NLRP11: variants seen among roughly 807,000 people sequenced by gnomAD.
The protein encoded by NLRP11 is NACHT, LRR and PYD domains-containing protein 11.
NLRP11 carries 53 observed loss-of-function variants against 79.3 expected under a neutral mutation model. The observed-to-expected ratio is 0.67, with a 90% CI of 0.54 to 0.84. The LOEUF (loss-of-function observed/expected upper bound fraction) is 0.84, where lower values mean the gene tolerates loss of function less well. Among genes scored for constraint, NLRP11 ranks in the 40% least tolerant of loss-of-function variants. The probability of loss-of-function intolerance (pLI) is 0.00; values close to 1 mark genes in which losing one functional copy is unlikely to be tolerated. For synonymous variants in NLRP11, 518 were observed against 462.6 expected, an observed-to-expected ratio of 1.12 and a Z score of -1.54; for missense variants, 1,264 against 1,255.0, an observed-to-expected ratio of 1.01 and a Z score of -0.11.
At chr19:55,828,295 T>C (rs1198512306) in intron 1 of NLRP11, among the ~76,000 whole-genome samples, 6 of 149,882 alleles carry the variant, frequency 4.0e-5, no homozygotes, top group South Asian at 4.2e-4. Context: ...AGGGAGAGCA[T>C]TGGGAGATAT....
At chr19:55,798,329 G>C in intron 5 of NLRP11, 1 of 985,070 alleles carries the variant, frequency 1.0e-6, no homozygotes, top group African/African-American at 1.7e-5. Context: ...AGTGAAAGCC[G>C]TTGAGGGCCT....
At chr19:55,806,122 C>G (rs149096949) in intron 4 of NLRP11, among the ~76,000 whole-genome samples, 319 of 152,338 alleles carry the variant, frequency 2.1e-3, no homozygotes, top group Admixed American at 3.5e-3. Context: ...GCTTTTCTCC[C>G]CAATCACTTT....
chr19:55,795,998 C>T (rs1187296165), intron 6 of NLRP11, 82 bp downstream of exon 6: 4 of 1,278,520 alleles, frequency 3.1e-6, no homozygotes, highest in East Asian at 4.7e-5. Context: ...GTCCCTTTCC[C>T]CACCACTGCT....
intron 5 of NLRP11, 60 bp downstream of exon 5, chr19:55,801,512 C>A: frequency 7.2e-7 from 1 of 1,391,580 alleles, no homozygotes; most frequent in South Asian, 1.2e-5. Flanking sequence ...GCACCTCTAT[C>A]CACCAACACC....
At chr19:55,803,067 C>T (rs922241099) in intron 4 of NLRP11, among the ~76,000 whole-genome samples, 2 of 151,956 alleles carry the variant, frequency 1.3e-5, no homozygotes, top group Admixed American at 1.3e-4. Context: ...AACTTGGAGG[C>T]GCTGGGCACA....
intron 2 of NLRP11, among the ~76,000 whole-genome samples, chr19:55,813,977 A>T (rs1980848737): frequency 6.6e-6 from 1 of 152,154 alleles, no homozygotes; most frequent in Non-Finnish European, 1.5e-5. Context: ...CATGTTCAGT[A>T]GACTTTACGC....
chr19:55,812,624 A>C (rs1435308320), intron 2 of NLRP11, among the ~76,000 whole-genome samples: 1 of 152,190 alleles, frequency 6.6e-6, no homozygotes, highest in East Asian at 1.9e-4. Flanking sequence ...AGAAAAGGGA[A>C]GCCTTGTGCA....
At chr19:55,831,596 C>T (rs1183861468) in intron 1 of NLRP11, among the ~76,000 whole-genome samples, 1 of 152,086 alleles carries the variant, frequency 6.6e-6, no homozygotes, top group Non-Finnish European at 1.5e-5. Flanking sequence ...TTCTTTTCAT[C>T]TCTAACACTT....
chr19:55,833,262 T>A (rs907415762), upstream of NLRP11, among the ~76,000 whole-genome samples: 2 of 152,198 alleles, frequency 1.3e-5, no homozygotes, highest in Admixed American at 1.3e-4. Flanking sequence ...GATGTTAATA[T>A]GCTCCCAAAT....
intron 4 of NLRP11, among the ~76,000 whole-genome samples, chr19:55,803,084 C>G (rs773333018): frequency 3.9e-5 from 6 of 152,166 alleles, no homozygotes; most frequent in Admixed American, 3.9e-4. Context: ...CACAGTGACT[C>G]ATGCCTGTAA....
At chr19:55,831,204 G>A (rs986825436) in intron 1 of NLRP11, among the ~76,000 whole-genome samples, 8 of 146,336 alleles carry the variant, frequency 5.5e-5, no homozygotes, top group African/African-American at 1.5e-4. Flanking sequence ...AGGAAGGGAG[G>A]TCAAACCTCC....
At chr19:55,799,599 G>T (rs1026106275) in intron 5 of NLRP11, among the ~76,000 whole-genome samples, 1 of 152,170 alleles carries the variant, frequency 6.6e-6, no homozygotes. Flanking sequence ...ACTACAAAGT[G>T]GCAACAGAGT....
rs369352492 is a variant in NLRP11, at chr19:55,796,130, G to A, written c.2292C>T (p.Asn764=). 4 of 1,613,970 alleles carry A rather than the reference G, an allele frequency of 2.5e-6. No homozygotes were observed. The African/African-American group carries it at 5.3e-5, about 22-fold the overall frequency. Residue 764 remains asparagine (N), a synonymous_variant, in exon 6 of 10, where the codon AAC becomes AAT. Coordinates refer to ENST00000589093, the Ensembl canonical transcript of NLRP11. ...GATGAAGCAAGGCATCACACAGTAT[G>A]TTCATCCCGTCGCTCCTCAGCGGAT...
rs1489881471 is a variant in NLRP11 at position 55,792,474 on chromosome 19, G to A, written c.2343-3C>T. Reference sequence around the variant, plus strand: ...CAGTGAGACAGCAGAAGACTAACCTGCACACAGAGAAGAGTGAGTCAGTGA... The same window carrying A: ...CAGTGAGACAGCAGAAGACTAACCTACACACAGAGAAGAGTGAGTCAGTGA... On this transcript the variant is annotated splice_region_variant and splice_polypyrimidine_tract_variant and intron_variant, in intron 6 of 9. Transcript: ENST00000589093. The A allele has an allele frequency of 3.1e-6, 5 of 1,613,066 alleles. No individual in the cohort carries two copies. The highest frequency in any genetic ancestry group is 4.2e-6 in the Non-Finnish European group (5 of 1,179,252).
intron 1 of NLRP11, among the ~76,000 whole-genome samples, chr19:55,824,170 A>G (rs1047448538): frequency 2.2e-5 from 3 of 138,826 alleles, no homozygotes; most frequent in Non-Finnish European, 4.6e-5. Flanking sequence ...ACTAAGCTTC[A>G]TAAGTGAAGG....
chr19:55,805,462 C>T (rs894839856), intron 4 of NLRP11, among the ~76,000 whole-genome samples: 1 of 151,998 alleles, frequency 6.6e-6, no homozygotes, highest in African/African-American at 2.4e-5. Flanking sequence ...TAGCAATTCT[C>T]CTGATCCCCA....
chr19:55,822,508 C>T (rs1415058608), intron 1 of NLRP11, among the ~76,000 whole-genome samples: 3 of 152,096 alleles, frequency 2.0e-5, no homozygotes, highest in Non-Finnish European at 4.4e-5. Context: ...GTACCGGGTT[C>T]ATCTCACTAG....
chr19:55,785,903 T>G (rs754736781), intron 9 of NLRP11, 32 bp from the exon 10 acceptor site: 4 of 1,598,164 alleles, frequency 2.5e-6, no homozygotes, highest in Non-Finnish European at 3.4e-6. Context: ...ACGCCGTTAA[T>G]GCTACATGTG....
chr19:55,819,184 CACACAG>C (rs1274430847), intron 1 of NLRP11, among the ~76,000 whole-genome samples: 5 of 132,320 alleles, frequency 3.8e-5, no homozygotes, highest in South Asian at 2.4e-4. Context: ...CACACACACA[CACACAG>C]GTTGCCTCTT....
Sources: allele counts gnomAD v4.1 joint callset (sites outside exome capture counted in the v4.1 genomes callset), GRCh38; gene constraint gnomAD v4.1.1; transcripts MANE v1.5; gene names NCBI Gene and HGNC (gene_info 2026-07-23, HGNC 2026-07-21).